The following DEF6 variants were observed in gnomAD, a reference collection of about 807,000 sequenced individuals.
DEF6 encodes DEF6 guanine nucleotide exchange factor, also known as differentially expressed in FDCP 6 homolog.
A neutral mutation model predicts 80.5 loss-of-function variants in DEF6; 32 were observed. The observed-to-expected ratio is 0.40, with a 90% CI of 0.30 to 0.53. The LOEUF (loss-of-function observed/expected upper bound fraction) is 0.53. DEF6 is among the 20% of genes least tolerant of loss of function. The pLI is 0.57. For synonymous variants in DEF6, 300 were observed against 337.9 expected (o/e 0.89, Z 1.23); for missense variants, 575 against 818.7 (o/e 0.70, Z 3.63).
Position 35,321,679 on chromosome 6 carries a change from A to C in DEF6, c.*269A>C. The C allele has an allele frequency of 3.0e-6, 1 of 336,802 alleles. No individual in the cohort carries two copies. The highest frequency in any genetic ancestry group is 5.4e-6 in the Non-Finnish European group (1 of 186,036). 20.9% of individuals were successfully genotyped at this position (336,802 alleles called of 1,614,324 possible). ...CCAAGGACCCGATTCTTGGGCTAGG[A>C]AAGAGAGAACAAGCAAGCCGGGGCT... On this transcript the variant is annotated 3_prime_UTR_variant, in exon 11 of 11. Transcript: ENST00000316637.
chr6:35,317,922 T>C lies in DEF6; in HGVS notation c.839T>C (p.Met280Thr), dbSNP rs768526210. 3 of 1,613,994 alleles carry C rather than the reference T, an allele frequency of 1.9e-6. No individual in the cohort carries two copies. Among genetic ancestry groups the C allele is most frequent in the Admixed American group, 3.3e-5 (2 of 60,024 alleles). The stretch of plus-strand genomic sequence containing the variant: ...CCAGACCGCGACGGAAAGCGCTGCA[T>C]GTTCTGTGTGAAGACAGCCAACCGC... ...VLPDRDGKRC[M>T]FCVKTANRTY... Residue 280 changes from methionine to threonine, a missense_variant, in exon 6 of 11, where the codon ATG (methionine) becomes ACG (threonine). Coordinates refer to ENST00000316637, the MANE Select transcript of DEF6 (RefSeq NM_022047.4).
In DEF6 at chr6:35,319,984, G is replaced by A. The variant is rs774321183; in HGVS notation, c.1548G>A (p.Arg516=). The A allele has an allele frequency of 4.0e-5, 62 of 1,563,710 alleles. No homozygotes were observed. In the Admixed American group the frequency reaches 6.0e-4, roughly 15 times the overall value. ...CCCAGCAGCAGCTGGAGGAGGTGCG[G>A]CAGAACCGGCAGAGGGCTGACGAGG... is the stretch of plus-strand genomic sequence containing the variant. ...QQAQQQLEEV[R]QNRQRADEDV... is the part of the protein sequence containing the mutation. Residue 516 remains arginine (R), a synonymous_variant, in exon 9 of 11, where the codon CGG becomes CGA. Transcript: ENST00000316637. This position sits in a 1 kb window ranked among gnomAD's most constrained non-coding sequence, Gnocchi z 4.5.
intron 5 of DEF6, among the ~76,000 whole-genome samples, chr6:35,315,945 G>A (rs1179250245): frequency 3.7e-5 from 5 of 135,262 alleles, no homozygotes; most frequent in Admixed American, 1.6e-4. Flanking sequence ...TGCAACCTCC[G>A]CCTCCCGAGT....
rs776341457 is a variant in DEF6, at chr6:35,312,587, G to C, written c.661-39G>C. The C allele has an allele frequency of 2.5e-6, 4 of 1,614,180 alleles. No homozygotes were observed. The highest frequency in any genetic ancestry group is 3.4e-6 in the Non-Finnish European group (4 of 1,180,012). On this transcript the variant is annotated intron_variant, in intron 4 of 10. Coordinates refer to ENST00000316637, the MANE Select transcript of DEF6 (RefSeq NM_022047.4). The surrounding 1 kb of genome is among the most constrained non-coding windows in gnomAD (Gnocchi z 6.6). ...GAAGCACACAAGGTGCAGGGCGAAG[G>C]GGGGCCTGGGAAGCCTCTGACGTAA...
In DEF6 at chr6:35,317,950, G is replaced by A; in HGVS notation, c.867G>A (p.Thr289=). ...CMFCVKTANR[T]YEMSASDTRQ... is the part of the protein sequence containing the mutation. ...TCTGTGTGAAGACAGCCAACCGCAC[G>A]TATGAGATGAGCGCCTCAGACACGC... The change falls in exon 6 of 11, where the codon ACG becomes ACA. Residue 289 remains threonine, a synonymous_variant. Transcript: ENST00000316637. 1 of 1,614,016 alleles carries A rather than the reference G, an allele frequency of 6.2e-7. No homozygotes were observed. Among genetic ancestry groups the A allele is most frequent in the Non-Finnish European group, 8.5e-7 (1 of 1,180,020 alleles).
chr6:35,317,674 A>T, intron 5 of DEF6: 1 of 510,102 alleles, frequency 2.0e-6, no homozygotes, highest in Admixed American at 3.5e-5. Flanking sequence ...GCAAGATGGA[A>T]ACGCACCCAC....
chr6:35,319,487 G>A lies in DEF6; in HGVS notation c.1216-37G>A. ...TCCTCCGCCCCCACGTGCCCCTTTTGACCTGGCTCTTGGTCCACCACCTCC... is the reference window on the plus strand; with the variant it reads ...TCCTCCGCCCCCACGTGCCCCTTTTAACCTGGCTCTTGGTCCACCACCTCC... On this transcript the variant is annotated intron_variant, in intron 7 of 10. Transcript: ENST00000316637. The surrounding 1 kb of genome is among the most constrained non-coding windows in gnomAD (Gnocchi z 4.5). 7.7e-6 allele frequency: 11 copies of A among 1,436,950 alleles called. No individual in the cohort carries two copies. Among genetic ancestry groups the A allele is most frequent in the Non-Finnish European group, 1.0e-5 (11 of 1,076,820 alleles). 89.0% of individuals were successfully genotyped at this position (1,436,950 alleles called of 1,614,324 possible).
At position 35,319,991 on chromosome 6, in the gene DEF6, C is replaced by G. The variant is rs748091203; in HGVS notation, c.1555C>G (p.Arg519Gly). ...QQQLEEVRQN[R>G]QRADEDVEAA... ...GCAGCTGGAGGAGGTGCGGCAGAAC[C>G]GGCAGAGGGCTGACGAGGATGTGGA... Residue 519 changes from arginine (R) to glycine (G), a missense_variant, in exon 9 of 11, where the codon CGG becomes GGG. Coordinates refer to ENST00000316637, the MANE Select transcript of DEF6 (RefSeq NM_022047.4). The surrounding 1 kb of genome is among the most constrained non-coding windows in gnomAD (Gnocchi z 4.5). 6.4e-7 allele frequency: 1 copy of G among 1,563,596 alleles called. No homozygotes were observed. The highest frequency in any genetic ancestry group is 8.7e-7 in the Non-Finnish European group (1 of 1,153,286).
chr6:35,320,301 A>T (rs952651725), intron 9 of DEF6, among the ~76,000 whole-genome samples: 20 of 152,020 alleles, frequency 1.3e-4, no homozygotes, highest in Non-Finnish European at 2.5e-4. Flanking sequence ...CTGGGGAAAA[A>T]TTTTTCCTTC....
intron 5 of DEF6, among the ~76,000 whole-genome samples, chr6:35,314,407 CAAA>C (rs34185807): frequency 1.0e-4 from 10 of 99,212 alleles, no homozygotes; most frequent in Admixed American, 3.1e-4. Context: ...AACTCTATCT[CAAA>C]AAAAAAAAAA....
chr6:35,297,823 C>G lies in DEF6; in HGVS notation c.-34C>G, dbSNP rs762739982. 1.3e-6 allele frequency: 2 copies of G among 1,549,260 alleles called. No individual in the cohort carries two copies. The highest frequency in any genetic ancestry group is 1.8e-6 in the Non-Finnish European group (2 of 1,142,750). The stretch of plus-strand genomic sequence containing the variant: ...ATTTCCTGAAACCGGATCTTAGTGT[C>G]AGAGCCGCCCCCAGCCGGGCGGGCG... On this transcript the variant is annotated 5_prime_UTR_variant, in exon 1 of 11. Transcript: ENST00000316637.
In DEF6 at chr6:35,297,896, G is replaced by A. The variant is rs1562145064; in HGVS notation, c.40G>A (p.Ala14Thr). The change falls in exon 1 of 11, where the codon GCC becomes ACC. Residue 14 changes from alanine to threonine, a missense_variant. By Grantham distance (58) the Ala-to-Thr change is moderately conservative. Transcript: ENST00000316637. Reference protein sequence around the residue: ...RKELLKSIWYAFTALDVEKSG... With the variant: ...RKELLKSIWYTFTALDVEKSG... ...GGAACTGCTCAAGTCCATCTGGTAC[G>A]CCTTTACCGCGCTGGACGTGGAGAA... is the stretch of plus-strand genomic sequence containing the variant. The A allele has an allele frequency of 8.7e-6, 14 of 1,607,920 alleles. No homozygotes were observed. The highest frequency in any genetic ancestry group is 2.2e-5 in the East Asian group (1 of 44,648).
intron 5 of DEF6, among the ~76,000 whole-genome samples, chr6:35,314,174 G>A (rs184521316): frequency 6.6e-6 from 1 of 152,110 alleles, no homozygotes; most frequent in Non-Finnish European, 1.5e-5. Context: ...TTGGGAGGCC[G>A]AGGCTGGTGG....
chr6:35,312,419 G>A lies in DEF6; in HGVS notation c.541G>A (p.Val181Ile), dbSNP rs779727492. ...QVAQTTGGLS[V>I]WQFLELFNSG... ...GGCCCAGACCACCGGGGGGCTCAGCGTCTGGCAGTTCCTGGAGCTCTTCAA... is the reference window on the plus strand; with the variant it reads ...GGCCCAGACCACCGGGGGGCTCAGCATCTGGCAGTTCCTGGAGCTCTTCAA... Residue 181 changes from valine to isoleucine, a missense_variant, in exon 4 of 11, where the codon GTC becomes ATC. Val to Ile is a conservative substitution (Grantham distance 29). Transcript: ENST00000316637. This position sits in a 1 kb window ranked among gnomAD's most constrained non-coding sequence, Gnocchi z 6.6. 21 of 1,614,062 alleles carry A rather than the reference G, an allele frequency of 1.3e-5. No individual in the cohort carries two copies. Among genetic ancestry groups the A allele is most frequent in the East Asian group, 2.2e-5 (1 of 44,886 alleles).
chr6:35,318,578 A>G lies in DEF6; in HGVS notation c.1215+107A>G. The G allele has an allele frequency of 8.9e-7, 1 of 1,120,402 alleles. No homozygotes were observed. Among genetic ancestry groups the G allele is most frequent in the Non-Finnish European group, 1.2e-6 (1 of 859,232 alleles). The allele number at this position is 1,120,402 out of a possible 1,614,324, so 69.4% of individuals were successfully genotyped here. On this transcript the variant is annotated intron_variant, in intron 7 of 10. Transcript: ENST00000316637. The surrounding 1 kb of genome is among the most constrained non-coding windows in gnomAD (Gnocchi z 5.1). ...GGCAGAGGGCGGAGCTCCTGGGTTG[A>G]GGGGCGTGCACTGGGGTGGAGCTTG...
At chr6:35,304,737 A>T (rs897396242) in intron 1 of DEF6, among the ~76,000 whole-genome samples, 1 of 152,126 alleles carries the variant, frequency 6.6e-6, no homozygotes, top group Non-Finnish European at 1.5e-5. Flanking sequence ...CAAGGTTGAG[A>T]TTAGAGTCAT....
intron 1 of DEF6, among the ~76,000 whole-genome samples, chr6:35,305,132 T>C (rs1791372077): frequency 6.8e-6 from 1 of 147,424 alleles, no homozygotes; most frequent in African/African-American, 2.5e-5. Flanking sequence ...AACTCATCTC[T>C]ATGAAAAAAA....
chr6:35,298,010 G>T, intron 1 of DEF6, 58 bp downstream of exon 1: 3 of 1,432,930 alleles, frequency 2.1e-6, no homozygotes, highest in Non-Finnish European at 2.9e-6. Flanking sequence ...AGCCCCTGCC[G>T]CCTGGGAGCC....
chr6:35,312,787 G>C lies in DEF6; in HGVS notation c.807+15G>C. On this transcript the variant is annotated intron_variant, in intron 5 of 10. Transcript: ENST00000316637. The surrounding 1 kb of genome is among the most constrained non-coding windows in gnomAD (Gnocchi z 6.6). ...GCTGCGTGGAGGTGAGGGGCAGGATGGGGGTGGAGGACATCTCAGGGCCCA... is the reference window on the plus strand; with the variant it reads ...GCTGCGTGGAGGTGAGGGGCAGGATCGGGGTGGAGGACATCTCAGGGCCCA... The C allele has an allele frequency of 6.2e-7, 1 of 1,608,236 alleles. No individual in the cohort carries two copies. The highest frequency in any genetic ancestry group is 8.5e-7 in the Non-Finnish European group (1 of 1,177,404).
Sources: allele counts gnomAD v4.1 joint callset (sites outside exome capture counted in the v4.1 genomes callset), GRCh38; gene constraint gnomAD v4.1.1; non-coding constraint Gnocchi (gnomAD v3.1); transcripts MANE v1.5; gene names NCBI Gene and HGNC (gene_info 2026-07-23, HGNC 2026-07-21).